TNIK: variants seen among roughly 807,000 people sequenced by gnomAD.
TNIK encodes TRAF2 and NCK interacting kinase.
In TNIK, 49 loss-of-function variants were observed where a neutral mutation model predicts 191.3. That is an observed-to-expected ratio of 0.26 (90% CI 0.20 to 0.32). The LOEUF is 0.32. Ranked by LOEUF, TNIK falls within the 10% of genes least tolerant of loss-of-function variation. The pLI is 1.00. For missense variants in TNIK, 1,155 were observed against 1,702.3 expected, an observed-to-expected ratio of 0.68 and a Z score of 5.66; for synonymous variants, 594 against 600.9, an observed-to-expected ratio of 0.99 and a Z score of 0.17.
chr3:171,294,499 T>A (rs944497627), intron 2 of TNIK, among the ~76,000 whole-genome samples: 2 of 151,972 alleles, frequency 1.3e-5, no homozygotes, highest in Admixed American at 6.6e-5. Context: ...GGTGGGTGGA[T>A]CTCTTGAGGC....
intron 1 of TNIK, among the ~76,000 whole-genome samples, chr3:171,455,869 G>T (rs1251120946): frequency 6.6e-6 from 1 of 152,152 alleles, no homozygotes; most frequent in East Asian, 1.9e-4. Flanking sequence ...GGAGACTATG[G>T]CTCCAAAGAT....
intron 2 of TNIK, among the ~76,000 whole-genome samples, chr3:171,231,609 A>C (rs1206298794): frequency 6.6e-6 from 1 of 152,166 alleles, no homozygotes; most frequent in Non-Finnish European, 1.5e-5. Flanking sequence ...AGGGCCATGA[A>C]GGAACTTGCC....
intron 1 of TNIK, among the ~76,000 whole-genome samples, chr3:171,435,807 T>C (rs1429639819): frequency 6.6e-6 from 1 of 152,200 alleles, no homozygotes. Context: ...CATTATTGCT[T>C]ATTAATAAAT....
In TNIK at chr3:171,117,249, C is replaced by G. The variant is rs539787086; in HGVS notation, c.2120+6347G>C. On this transcript the variant is annotated intron_variant, in intron 18 of 32. Coordinates refer to ENST00000436636, the MANE Select transcript of TNIK (RefSeq NM_015028.4). ...AATGGTGCTGTGTCAGTCAAGAAATCAAGGGCTCTTTTGCCTTGGGAAAAA... is the reference window on the plus strand; with the variant it reads ...AATGGTGCTGTGTCAGTCAAGAAATGAAGGGCTCTTTTGCCTTGGGAAAAA... Among the ~76,000 whole-genome samples, 4 of 152,270 alleles carry G rather than the reference C, an allele frequency of 2.6e-5. No homozygotes were observed. The East Asian group carries it at 5.8e-4, about 22-fold the overall frequency.
chr3:171,400,494 A>T (rs1267066061), intron 1 of TNIK, among the ~76,000 whole-genome samples: 1 of 151,944 alleles, frequency 6.6e-6, no homozygotes, highest in Admixed American at 6.6e-5. Context: ...ATTTGGGCCC[A>T]GGAGGTCAAG....
intron 2 of TNIK, among the ~76,000 whole-genome samples, chr3:171,342,944 T>C (rs558062651): frequency 2.5e-4 from 38 of 152,334 alleles, no homozygotes; most frequent in Non-Finnish European, 4.7e-4. Flanking sequence ...ACAGTTCCCC[T>C]GCACCTGCTC....
At chr3:171,277,140 T>C (rs1408223554) in intron 2 of TNIK, among the ~76,000 whole-genome samples, 1 of 152,156 alleles carries the variant, frequency 6.6e-6, no homozygotes, top group East Asian at 1.9e-4. Flanking sequence ...TTGTGCATAC[T>C]CTCATCCCAC....
intron 1 of TNIK, among the ~76,000 whole-genome samples, chr3:171,407,629 G>A (rs892236650): frequency 1.1e-4 from 17 of 152,294 alleles, no homozygotes; most frequent in African/African-American, 4.1e-4. Context: ...ACTTTAGTTG[G>A]ACAGCAGAAA....
At chr3:171,207,455 C>T (rs372143387) in intron 4 of TNIK, among the ~76,000 whole-genome samples, 7 of 152,006 alleles carry the variant, frequency 4.6e-5, no homozygotes, top group Admixed American at 1.3e-4. Context: ...CAGCCTTGGT[C>T]TCCAAAAGTA....
intron 11 of TNIK, among the ~76,000 whole-genome samples, chr3:171,160,489 G>A (rs139400941): frequency 6.6e-6 from 1 of 151,442 alleles, no homozygotes; most frequent in East Asian, 2.0e-4. Flanking sequence ...TGAGTCTTCT[G>A]CTTGTGCAAT....
chr3:171,361,267 G>A (rs529983324), intron 2 of TNIK, among the ~76,000 whole-genome samples: 5 of 152,286 alleles, frequency 3.3e-5, no homozygotes, highest in Admixed American at 1.3e-4. Flanking sequence ...AAATTATCCA[G>A]ATGATTTCTA....
At chr3:171,444,688 A>G (rs1196682327) in intron 1 of TNIK, among the ~76,000 whole-genome samples, 1 of 152,148 alleles carries the variant, frequency 6.6e-6, no homozygotes, top group Non-Finnish European at 1.5e-5. Flanking sequence ...AGTCTTACAA[A>G]CAATTCAAAT....
At chr3:171,110,432 T>TAAGTGAC (rs983334561) in intron 19 of TNIK, among the ~76,000 whole-genome samples, 1 of 152,134 alleles carries the variant, frequency 6.6e-6, no homozygotes, top group African/African-American at 2.4e-5. Flanking sequence ...AGGTGACTGG[T>TAAGTGAC]AAGTGACTGT....
intron 2 of TNIK, among the ~76,000 whole-genome samples, chr3:171,336,311 T>C (rs1756946342): frequency 1.3e-5 from 2 of 152,212 alleles, no homozygotes; most frequent in African/African-American, 2.4e-5. Context: ...ATATCCTTGA[T>C]ACTGTGCTGT....
chr3:171,142,201 A>T (rs1247104100), intron 12 of TNIK, among the ~76,000 whole-genome samples: 1 of 152,238 alleles, frequency 6.6e-6, no homozygotes, highest in African/African-American at 2.4e-5. Flanking sequence ...GGAGGACTTC[A>T]TGCAGCCAAA....
chr3:171,095,567 A>G (rs1431732512), intron 22 of TNIK, among the ~76,000 whole-genome samples: 1 of 152,200 alleles, frequency 6.6e-6, no homozygotes, highest in African/African-American at 2.4e-5. Context: ...ATATTTAAAA[A>G]TATCTCTGGC....
In TNIK at chr3:171,112,135, C is replaced by A. The variant is rs1310289010; in HGVS notation, c.2121-1258G>T. Among the ~76,000 whole-genome samples the A allele has an allele frequency of 2.0e-5, 3 of 152,310 alleles. No individual in the cohort carries two copies. The East Asian group carries it at 5.8e-4, about 29-fold the overall frequency. ...TAACTTGATTTTAGTAATCATTTCA[C>A]AGTGTATACATATATCAAAACATCA... On this transcript the variant is annotated intron_variant, in intron 18 of 32. Coordinates refer to ENST00000436636, the MANE Select transcript of TNIK (RefSeq NM_015028.4).
chr3:171,157,767 A>T lies in TNIK; in HGVS notation c.1017-103T>A, dbSNP rs948894610. 4.3e-6 allele frequency: 5 copies of T among 1,175,180 alleles called. No individual in the cohort carries two copies. In the African/African-American group the frequency reaches 4.6e-5, roughly 11 times the overall value. The allele number at this position is 1,175,180 out of a possible 1,614,324, so 72.8% of individuals were successfully genotyped here. ...CGGGACAAATGATTCACCCACACACAGGGAAAGAAGAGCACAGGCTCCTAG... is the reference window on the plus strand; with the variant it reads ...CGGGACAAATGATTCACCCACACACTGGGAAAGAAGAGCACAGGCTCCTAG... On this transcript the variant is annotated intron_variant, in intron 11 of 32. Transcript: ENST00000436636.
At chr3:171,451,858 C>A (rs80169554) in intron 1 of TNIK, among the ~76,000 whole-genome samples, 38 of 152,308 alleles carry the variant, frequency 2.5e-4, no homozygotes, top group Non-Finnish European at 4.4e-4. Context: ...ATACCATGTG[C>A]ATTTCTTCCC....
Sources: gnomAD v4.1 joint callset for allele counts (sites outside exome capture counted in the v4.1 genomes callset) on GRCh38, gnomAD v4.1.1 for gene constraint, MANE v1.5 for transcripts, NCBI Gene and HGNC (gene_info 2026-07-23, HGNC 2026-07-21) for gene names.